Variants in PRKCE observed in about 807,000 individuals in gnomAD.
The protein encoded by PRKCE is protein kinase C epsilon, also known as protein kinase C epsilon type.
PRKCE carries 16 observed loss-of-function variants against 85.4 expected under a neutral mutation model. That is an observed-to-expected ratio of 0.19 (90% CI 0.13 to 0.28). The LOEUF (loss-of-function observed/expected upper bound fraction) is 0.28, where lower values mean the gene tolerates loss of function less well. PRKCE is among the 10% of genes least tolerant of loss of function. The pLI, the probability that PRKCE is intolerant of heterozygous loss-of-function variation, is 1.00. For missense variants in PRKCE, 573 were observed against 975.2 expected, an observed-to-expected ratio of 0.59 and a Z score of 5.49; for synonymous variants, 388 against 371.5, an observed-to-expected ratio of 1.04 and a Z score of -0.51.
intron 1 of PRKCE, among the ~76,000 whole-genome samples, chr2:45,791,128 G>A (rs1377530499): frequency 1.3e-5 from 2 of 152,304 alleles, no homozygotes; most frequent in East Asian, 1.9e-4. Context: ...GGCTGGTAGA[G>A]GTGCCTCTGA....
intron 2 of PRKCE, among the ~76,000 whole-genome samples, chr2:45,908,430 C>A (rs931953491): frequency 6.6e-6 from 1 of 152,252 alleles, no homozygotes; most frequent in South Asian, 2.1e-4. Context: ...TGACTGGAAG[C>A]GACTGCTCCA....
chr2:46,182,217 C>T (rs999685146), intron 14 of PRKCE, among the ~76,000 whole-genome samples: 2 of 152,154 alleles, frequency 1.3e-5, no homozygotes, highest in African/African-American at 4.8e-5. Context: ...CTTCGCCAGG[C>T]ACAGAGGGCC....
At chr2:45,712,133 T>G (rs1307518083) in intron 1 of PRKCE, among the ~76,000 whole-genome samples, 1 of 137,362 alleles carries the variant, frequency 7.3e-6, no homozygotes, top group African/African-American at 2.7e-5. Context: ...CTCTACGGCC[T>G]GTCCTTTTTT....
At chr2:45,980,421 GC>G in intron 5 of PRKCE, 40 bp downstream of exon 5, 1 of 1,567,180 alleles carries the variant, frequency 6.4e-7, no homozygotes, top group East Asian at 2.2e-5. Flanking sequence ...CTTCTTCACC[GC>G]CAGCCCCTCC....
intron 5 of PRKCE, among the ~76,000 whole-genome samples, chr2:45,983,041 A>G (rs1217432170): frequency 6.6e-6 from 1 of 152,220 alleles, no homozygotes; most frequent in East Asian, 1.9e-4. Context: ...GTCTACATTC[A>G]CAAACAGGCA....
intron 2 of PRKCE, among the ~76,000 whole-genome samples, chr2:45,861,056 G>T (rs1268822825): frequency 2.6e-5 from 4 of 152,198 alleles, no homozygotes; most frequent in African/African-American, 9.6e-5. Flanking sequence ...GAAGGGCCTC[G>T]GTAGGGAGAG....
chr2:46,148,521 C>T (rs990745345), intron 12 of PRKCE, among the ~76,000 whole-genome samples: 2 of 152,176 alleles, frequency 1.3e-5, no homozygotes, highest in South Asian at 2.1e-4. Flanking sequence ...TGCCTCCTTC[C>T]GAGAAGCTGG....
At chr2:45,805,495 A>G (rs1688173323) in intron 1 of PRKCE, among the ~76,000 whole-genome samples, 1 of 152,146 alleles carries the variant, frequency 6.6e-6, no homozygotes, top group Non-Finnish European at 1.5e-5. Context: ...CTCCCAGAGG[A>G]CAGGTGTGGG....
chr2:46,060,159 T>A (rs1184943413), intron 10 of PRKCE, among the ~76,000 whole-genome samples: 2 of 152,232 alleles, frequency 1.3e-5, no homozygotes, highest in Non-Finnish European at 2.9e-5. Flanking sequence ...TTTGAATTGC[T>A]TACTAGTTGG....
intron 1 of PRKCE, among the ~76,000 whole-genome samples, chr2:45,734,092 T>C (rs116464058): frequency 0.012 from 1,753 of 152,230 alleles, 31 homozygotes; most frequent in African/African-American, 0.04. Context: ...CTGGGCTGGG[T>C]GCGGTGGCTC....
chr2:45,892,583 C>T (rs1412068253), intron 2 of PRKCE, among the ~76,000 whole-genome samples: 1 of 152,104 alleles, frequency 6.6e-6, no homozygotes, highest in Non-Finnish European at 1.5e-5. Context: ...GTTTGTGTTA[C>T]AGACCAAATG....
chr2:45,775,313 A>G (rs1012180551), intron 1 of PRKCE, among the ~76,000 whole-genome samples: 8 of 152,126 alleles, frequency 5.3e-5, no homozygotes, highest in Admixed American at 4.6e-4. Context: ...GTGCATGTAC[A>G]CAAGTGTATG....
chr2:46,025,875 A>G (rs779543026), intron 10 of PRKCE, among the ~76,000 whole-genome samples: 2 of 149,186 alleles, frequency 1.3e-5, no homozygotes, highest in South Asian at 2.1e-4. Context: ...TTTAAACCAC[A>G]TTAATCTCTG....
At chr2:45,843,331 G>A (rs1038482992) in intron 2 of PRKCE, among the ~76,000 whole-genome samples, 3 of 152,242 alleles carry the variant, frequency 2.0e-5, no homozygotes, top group African/African-American at 7.2e-5. Flanking sequence ...TGCAAGGCAG[G>A]CTTCAGTGGC....
chr2:45,680,198 C>G lies in PRKCE; in HGVS notation c.348+27750C>G, dbSNP rs151269369. ...GACATGATGGTTTGATATTGGTGTT[C>G]TAAACCTCCAGAGGTTAATAACTTT... On this transcript the variant is annotated intron_variant, in intron 1 of 14. Coordinates refer to ENST00000306156, the MANE Select transcript of PRKCE (RefSeq NM_005400.3). 1.7e-3 allele frequency among the ~76,000 whole-genome samples: 252 copies of G among 152,314 alleles called. 1 individual carries two copies. The highest frequency in any genetic ancestry group is 5.9e-3 in the African/African-American group (244 of 41,576).
intron 6 of PRKCE, among the ~76,000 whole-genome samples, chr2:45,993,810 C>T (rs1704005125): frequency 6.6e-6 from 1 of 152,140 alleles, no homozygotes; most frequent in East Asian, 1.9e-4. Flanking sequence ...GTGCTGTTGC[C>T]TGGTCTCTGA....
intron 1 of PRKCE, among the ~76,000 whole-genome samples, chr2:45,670,349 T>C (rs1452020334): frequency 6.6e-6 from 1 of 152,218 alleles, no homozygotes. Flanking sequence ...TCTAGGCTAT[T>C]GGTTTTCAAA....
intron 10 of PRKCE, among the ~76,000 whole-genome samples, chr2:46,085,765 T>G (rs1427846044): frequency 1.1e-5 from 1 of 94,464 alleles, no homozygotes; most frequent in African/African-American, 4.0e-5. Flanking sequence ...GTTTTTTTTT[T>G]TTTTTTTAGC....
At chr2:45,717,663 C>T (rs1267939495) in intron 1 of PRKCE, among the ~76,000 whole-genome samples, 1 of 152,152 alleles carries the variant, frequency 6.6e-6, no homozygotes, top group African/African-American at 2.4e-5. Flanking sequence ...TAATTTAGCC[C>T]GCCATAGTAG....
Sources: allele counts gnomAD v4.1 joint callset (sites outside exome capture counted in the v4.1 genomes callset), GRCh38; gene constraint gnomAD v4.1.1; transcripts MANE v1.5; gene names NCBI Gene and HGNC (gene_info 2026-07-23, HGNC 2026-07-21).